The following TDRD7 variants were observed in gnomAD, a reference collection of about 807,000 sequenced individuals.
TDRD7 encodes tudor domain-containing protein 7.
In TDRD7, 47 loss-of-function variants were observed where a neutral mutation model predicts 109.8. The ratio of observed to expected loss-of-function variants is 0.43; its 90% confidence interval spans 0.34 to 0.55. The LOEUF is 0.55. TDRD7 is among the 20% of genes least tolerant of loss of function. The pLI, the probability that TDRD7 is intolerant of heterozygous loss-of-function variation, is 0.03. For synonymous variants in TDRD7, 424 were observed against 457.3 expected (o/e 0.93, Z 0.93); for missense variants, 1,164 against 1,319.2 (o/e 0.88, Z 1.82).
In TDRD7 at chr9:97,472,411, C is replaced by G; in HGVS notation, c.1860C>G (p.Tyr620Ter). The part of the protein sequence containing the change: ...DKADIPLVVL[Y>*]DTSGEDDINI... The stretch of plus-strand genomic sequence containing the variant: ...CTGACATTCCACTTGTTGTTCTGTA[C>G]GATACCTCAGGAGAAGATGATATCA... The change falls in exon 10 of 17, where the codon TAC (tyrosine) becomes TAG (stop). Residue 620 changes from tyrosine to a stop codon, truncating the protein, a stop_gained. Coordinates refer to ENST00000355295, the MANE Select transcript of TDRD7 (RefSeq NM_014290.3). LOFTEE classifies it high-confidence loss of function. 1 of 1,613,794 alleles carries G rather than the reference C, an allele frequency of 6.2e-7. No individual in the cohort carries two copies. The highest frequency in any genetic ancestry group is 8.5e-7 in the Non-Finnish European group (1 of 1,179,830).
In TDRD7 at chr9:97,447,180, T is replaced by C. The variant is rs185792802; in HGVS notation, c.855+5305T>C. 3.9e-4 allele frequency among the ~76,000 whole-genome samples: 60 copies of C among 152,316 alleles called. 2 individuals are homozygous for C. Among genetic ancestry groups the C allele is most frequent in the Admixed American group, 3.5e-3 (54 of 15,304 alleles). On this transcript the variant is annotated intron_variant, in intron 6 of 16. Coordinates refer to ENST00000355295, the MANE Select transcript of TDRD7 (RefSeq NM_014290.3). ...AAGTTGAGGAATAATGAGAAGTTGC[T>C]GTTCTGGAACTTGAAACAGAAACTA...
rs779614591 is a variant in TDRD7, at chr9:97,473,570, G to T, written c.2023G>T (p.Gly675Cys). ...GTLYCQVPCK[G>C]LNKLSDLLRK... ...ACTCTACTGCCAGGTGCCTTGTAAGGGTCTGAACAAGCTCAGTGACCTTCT... is the reference window on the plus strand; with the variant it reads ...ACTCTACTGCCAGGTGCCTTGTAAGTGTCTGAACAAGCTCAGTGACCTTCT... The change falls in exon 11 of 17, where the codon GGT becomes TGT. Residue 675 changes from glycine (G) to cysteine (C), a missense_variant. Transcript: ENST00000355295. The T allele has an allele frequency of 6.2e-7, 1 of 1,613,772 alleles. No homozygotes were observed. Among genetic ancestry groups the T allele is most frequent in the Non-Finnish European group, 8.5e-7 (1 of 1,179,802 alleles).
rs1828040894 is a variant in TDRD7, at chr9:97,428,443, C to G, written c.-6-17C>G. 2 of 1,610,874 alleles carry G rather than the reference C, an allele frequency of 1.2e-6. No homozygotes were observed. The highest frequency in any genetic ancestry group is 3.3e-5 in the Admixed American group (2 of 59,960). On this transcript the variant is annotated splice_polypyrimidine_tract_variant and intron_variant, in intron 1 of 16. Coordinates refer to ENST00000355295, the MANE Select transcript of TDRD7 (RefSeq NM_014290.3). Reference sequence around the variant, plus strand: ...GAATGAGCCATATTATAGTAACCTTCTACTGTGTTCTTATAGGCAAAGATG... The same window carrying G: ...GAATGAGCCATATTATAGTAACCTTGTACTGTGTTCTTATAGGCAAAGATG...
rs994304752 is a variant in TDRD7, at chr9:97,489,967, G to T, written c.3076+2635G>T. On this transcript the variant is annotated intron_variant, in intron 16 of 16. Transcript: ENST00000355295. Reference sequence around the variant, plus strand: ...AAATAATGTTAATTCCTTCCTCCAGGCTCCTGTATCATTGCAGTCATTTAC... The same window carrying T: ...AAATAATGTTAATTCCTTCCTCCAGTCTCCTGTATCATTGCAGTCATTTAC... Among the ~76,000 whole-genome samples the T allele has an allele frequency of 2.0e-5, 3 of 151,662 alleles. No homozygotes were observed. In the East Asian group the frequency reaches 5.8e-4, roughly 29 times the overall value.
chr9:97,433,002 A>G (rs575816629), intron 4 of TDRD7, among the ~76,000 whole-genome samples: 14 of 152,314 alleles, frequency 9.2e-5, no homozygotes, highest in Non-Finnish European at 1.8e-4. Context: ...TGGCCTACAA[A>G]GCCAAAAATC....
intron 15 of TDRD7, among the ~76,000 whole-genome samples, chr9:97,483,588 T>G (rs1292818434): frequency 6.6e-6 from 1 of 152,208 alleles, no homozygotes; most frequent in East Asian, 1.9e-4. Flanking sequence ...GTTTAAATAT[T>G]TTTTCTATTT....
intron 4 of TDRD7, among the ~76,000 whole-genome samples, chr9:97,436,922 G>A (rs947716032): frequency 1.3e-5 from 2 of 152,142 alleles, no homozygotes; most frequent in African/African-American, 2.4e-5. Context: ...CTATTCTGCA[G>A]TACCAGGCTA....
At chr9:97,429,685 C>G (rs1828067072) in intron 2 of TDRD7, among the ~76,000 whole-genome samples, 1 of 152,112 alleles carries the variant, frequency 6.6e-6, no homozygotes. Context: ...CAGACTTAAG[C>G]CCTCCTTTCT....
Position 97,421,861 on chromosome 9 carries a change from A to C in TDRD7, c.-6-6599A>C, listed in dbSNP as rs571939979. Among the ~76,000 whole-genome samples, 6 of 152,064 alleles carry C rather than the reference A, an allele frequency of 3.9e-5. No individual in the cohort carries two copies. In the South Asian group the frequency reaches 8.3e-4, roughly 21 times the overall value. Reference sequence around the variant, plus strand: ...CAGACGTGAACCACCGTGCCCAGCCAATTTTTTCTTCTATGGTTCTCAAAA... The same window carrying C: ...CAGACGTGAACCACCGTGCCCAGCCCATTTTTTCTTCTATGGTTCTCAAAA... On this transcript the variant is annotated intron_variant, in intron 1 of 16. Coordinates refer to ENST00000355295, the MANE Select transcript of TDRD7 (RefSeq NM_014290.3).
At chr9:97,423,398 CTT>C (rs74312835) in intron 1 of TDRD7, among the ~76,000 whole-genome samples, 7 of 142,316 alleles carry the variant, frequency 4.9e-5, no homozygotes, top group Admixed American at 2.1e-4. Flanking sequence ...TTTGTGCCTT[CTT>C]TTTTTTTTTT....
intron 5 of TDRD7, among the ~76,000 whole-genome samples, chr9:97,439,662 C>T (rs1828265024): frequency 6.6e-6 from 1 of 152,174 alleles, no homozygotes; most frequent in South Asian, 2.1e-4. Flanking sequence ...ATAAAGGAAA[C>T]ATCTGCTGTG....
At chr9:97,441,462 A>C (rs1224355810) in intron 5 of TDRD7, among the ~76,000 whole-genome samples, 196 bp from the exon 6 acceptor site, 1 of 152,162 alleles carries the variant, frequency 6.6e-6, no homozygotes, top group Non-Finnish European at 1.5e-5. Context: ...CACAAGAAAC[A>C]CTGCTGGTTA....
intron 15 of TDRD7, among the ~76,000 whole-genome samples, chr9:97,484,452 AACAGT>A (rs1380466357): frequency 6.6e-6 from 1 of 151,058 alleles, no homozygotes; most frequent in Non-Finnish European, 1.5e-5. Flanking sequence ...GAACACAAAG[AACAGT>A]CACCCCTCCC....
intron 6 of TDRD7, among the ~76,000 whole-genome samples, chr9:97,457,587 C>T (rs1004664454): frequency 7.2e-5 from 11 of 152,078 alleles, no homozygotes; most frequent in Non-Finnish European, 2.9e-5. Context: ...ACTATGTTGG[C>T]CAGGCTGGTC....
At chr9:97,491,285 C>CT (rs1157599597) in intron 16 of TDRD7, among the ~76,000 whole-genome samples, 2 of 152,098 alleles carry the variant, frequency 1.3e-5, no homozygotes, top group Non-Finnish European at 2.9e-5. Context: ...TTCCATTATC[C>CT]ATCTGTTCTT....
At position 97,432,218 on chromosome 9, in the gene TDRD7, G is replaced by T; in HGVS notation, c.543G>T (p.Val181=). 3 of 1,613,682 alleles carry T rather than the reference G, an allele frequency of 1.9e-6. No homozygotes were observed. The South Asian group carries it at 3.3e-5, about 18-fold the overall frequency. ...AAGACATTCCAGTGCAAAGGCATGT[G>T]ACCATGTCCACCAACAACAGGTATT... The part of the protein sequence containing the change: ...AFKDIPVQRH[V]TMSTNNRFSP... Residue 181 remains valine, a synonymous_variant, in exon 4 of 17, where the codon GTG becomes GTT. Transcript: ENST00000355295.
At position 97,412,670 on chromosome 9, in the gene TDRD7, C is replaced by T. The variant is rs926016106; in HGVS notation, c.-7+432C>T. ...CCCAGCGAGGGATGTCCGCGCTCCC[C>T]TATTTGAACCCAAGTATTTTACACC... is the stretch of plus-strand genomic sequence containing the variant. On this transcript the variant is annotated intron_variant, in intron 1 of 16. Coordinates refer to ENST00000355295, the MANE Select transcript of TDRD7 (RefSeq NM_014290.3). The surrounding 1 kb of genome is among the most constrained non-coding windows in gnomAD (Gnocchi z 4.3). Among the ~76,000 whole-genome samples, 2 of 152,214 alleles carry T rather than the reference C, an allele frequency of 1.3e-5. No homozygotes were observed. The highest frequency in any genetic ancestry group is 4.8e-5 in the African/African-American group (2 of 41,448).
intron 15 of TDRD7, among the ~76,000 whole-genome samples, chr9:97,484,738 A>G (rs1472395001): frequency 1.3e-5 from 2 of 152,228 alleles, no homozygotes; most frequent in Non-Finnish European, 2.9e-5. Context: ...ACAAGCATAA[A>G]TAGGTTTAAT....
intron 12 of TDRD7, 112 bp downstream of exon 12, chr9:97,475,581 T>C: frequency 1.2e-6 from 1 of 819,626 alleles, no homozygotes; most frequent in Non-Finnish European, 2.1e-6. Flanking sequence ...ATCATCAGTT[T>C]ATGAAATAAA....
Sources: gnomAD v4.1 joint callset for allele counts (sites outside exome capture counted in the v4.1 genomes callset) on GRCh38, gnomAD v4.1.1 for gene constraint, Gnocchi (gnomAD v3.1) non-coding constraint, MANE v1.5 for transcripts, NCBI Gene and HGNC (gene_info 2026-07-23, HGNC 2026-07-21) for gene names.